The following SLC31A1 variants were observed in gnomAD, a reference collection of about 807,000 sequenced individuals.
SLC31A1 encodes solute carrier family 31 member 1.
In SLC31A1, 5 loss-of-function variants were observed where a neutral mutation model predicts 17.2. The observed-to-expected ratio is 0.29, with a 90% CI of 0.15 to 0.61. The LOEUF is 0.61. SLC31A1 is among the 20% of genes least tolerant of loss of function. The pLI, the probability that SLC31A1 is intolerant of heterozygous loss-of-function variation, is 0.86. For missense variants in SLC31A1, 161 were observed against 241.4 expected (o/e 0.67, Z 2.21); for synonymous variants, 76 against 78.8 (o/e 0.96, Z 0.19).
rs1394294666 is a variant in SLC31A1, at chr9:113,258,737, C to G, written c.246C>G (p.Phe82Leu). ...AFVAVFLLAM[F>L]YEGLKIARES... ...TGGCAGTGTTTTTACTAGCAATGTT[C>G]TATGAAGGACTCAAGATAGCCCGAG... is the stretch of plus-strand genomic sequence containing the variant. The change falls in exon 4 of 5, where the codon TTC (phenylalanine) becomes TTG (leucine). Residue 82 changes from phenylalanine to leucine, a missense_variant. Physicochemically the swap from Phe to Leu is conservative, Grantham distance 22. Coordinates refer to ENST00000374212, the MANE Select transcript of SLC31A1 (RefSeq NM_001859.4). This position sits in a 1 kb window ranked among gnomAD's most constrained non-coding sequence, Gnocchi z 4.8. The G allele has an allele frequency of 6.2e-6, 10 of 1,614,136 alleles. No individual in the cohort carries two copies. Among genetic ancestry groups the G allele is most frequent in the Non-Finnish European group, 8.5e-6 (10 of 1,180,024 alleles).
intron 1 of SLC31A1, among the ~76,000 whole-genome samples, chr9:113,228,870 G>C (rs1003652322): frequency 6.6e-6 from 1 of 152,030 alleles, no homozygotes; most frequent in Non-Finnish European, 1.5e-5. Flanking sequence ...TTTTGAGTTG[G>C]AGTTTCGCTC....
chr9:113,246,095 C>T (rs1455688245), intron 1 of SLC31A1, among the ~76,000 whole-genome samples: 1 of 151,932 alleles, frequency 6.6e-6, no homozygotes, highest in East Asian at 1.9e-4. Flanking sequence ...CTGTCACCCA[C>T]GCTGGAGTGC....
intron 1 of SLC31A1, among the ~76,000 whole-genome samples, chr9:113,231,516 A>G (rs1831402796): frequency 6.6e-6 from 1 of 151,998 alleles, no homozygotes; most frequent in Non-Finnish European, 1.5e-5. Context: ...GTGAGCTGTA[A>G]TCATGCTACT....
chr9:113,240,243 C>G (rs1831507408), intron 1 of SLC31A1, among the ~76,000 whole-genome samples: 1 of 152,144 alleles, frequency 6.6e-6, no homozygotes, highest in Admixed American at 6.5e-5. Context: ...GAGCCTTCTT[C>G]CTCTTGAGTA....
intron 1 of SLC31A1, among the ~76,000 whole-genome samples, chr9:113,231,305 T>C (rs1419170997): frequency 2.0e-5 from 3 of 152,204 alleles, no homozygotes; most frequent in Admixed American, 6.5e-5. Context: ...GGCTTACACC[T>C]GTAATCCGAG....
At chr9:113,227,396 G>A (rs1253690150) in intron 1 of SLC31A1, 1 of 152,060 alleles carries the variant, frequency 6.6e-6, no homozygotes, top group African/African-American at 2.4e-5. Context: ...GGGACTACAG[G>A]CATGCACCAC....
intron 3 of SLC31A1, 149 bp downstream of exon 3, chr9:113,257,334 G>A (rs1831739274): frequency 1.3e-6 from 1 of 740,904 alleles, no homozygotes; most frequent in Non-Finnish European, 2.4e-6. Context: ...TTCCTACCTA[G>A]AAGGTAGGAA....
intron 1 of SLC31A1, among the ~76,000 whole-genome samples, chr9:113,253,797 A>G (rs919578507): frequency 2.6e-5 from 4 of 152,070 alleles, no homozygotes; most frequent in Admixed American, 2.6e-4. Flanking sequence ...CTGGCATGAA[A>G]GTGGATCTTT....
At chr9:113,241,177 C>G (rs944233555) in intron 1 of SLC31A1, among the ~76,000 whole-genome samples, 1 of 151,934 alleles carries the variant, frequency 6.6e-6, no homozygotes, top group African/African-American at 2.4e-5. Flanking sequence ...TTAAATGCCA[C>G]ATAGTGAGCT....
intron 2 of SLC31A1, 156 bp downstream of exon 2, chr9:113,256,433 G>T: frequency 1.3e-6 from 1 of 750,880 alleles, no homozygotes; most frequent in Non-Finnish European, 2.1e-6. Flanking sequence ...ATTTGCTCCA[G>T]ATTATGTGGC....
chr9:113,227,261 A>G (rs571510038), intron 1 of SLC31A1: 6 of 151,670 alleles, frequency 4.0e-5, no homozygotes, highest in African/African-American at 1.2e-4. Flanking sequence ...TTTTTCTTTT[A>G]TTTTTTCTTG....
rs2119016441 is a variant in SLC31A1, at chr9:113,257,204, A to G, written c.202+19A>G. ...GCTGGAGGTGAGTAAGCCATTAGGT[A>G]GTGTTGGAAGGTGATAGTCACATGA... is the stretch of plus-strand genomic sequence containing the variant. On this transcript the variant is annotated intron_variant, in intron 3 of 4. Transcript: ENST00000374212. 6.2e-7 allele frequency: 1 copy of G among 1,602,284 alleles called. No homozygotes were observed. Among genetic ancestry groups the G allele is most frequent in the Non-Finnish European group, 8.6e-7 (1 of 1,169,472 alleles).
intron 1 of SLC31A1, among the ~76,000 whole-genome samples, chr9:113,232,844 CA>C (rs911563424): frequency 9.8e-5 from 14 of 142,686 alleles, no homozygotes; most frequent in Admixed American, 2.1e-4. Flanking sequence ...AACTCTGTCT[CA>C]AAAAAAAAAG....
chr9:113,254,963 A>T (rs777942581), intron 1 of SLC31A1, among the ~76,000 whole-genome samples: 2 of 152,194 alleles, frequency 1.3e-5, no homozygotes, highest in Non-Finnish European at 2.9e-5. Context: ...TTTTGCAGCA[A>T]TACAGTGATG....
intron 1 of SLC31A1, among the ~76,000 whole-genome samples, chr9:113,240,264 G>T (rs919097859): frequency 3.9e-5 from 6 of 152,046 alleles, no homozygotes; most frequent in Non-Finnish European, 8.8e-5. Flanking sequence ...GCCCCACAAA[G>T]GCAAGTACCT....
intron 1 of SLC31A1, among the ~76,000 whole-genome samples, chr9:113,233,871 A>G (rs1831425947): frequency 1.3e-5 from 2 of 152,222 alleles, no homozygotes; most frequent in Non-Finnish European, 2.9e-5. Flanking sequence ...AAATCAGGGT[A>G]TTTAGGATAT....
chr9:113,256,825 C>T (rs539624421), intron 2 of SLC31A1, among the ~76,000 whole-genome samples: 1 of 147,104 alleles, frequency 6.8e-6, no homozygotes, highest in East Asian at 2.0e-4. Flanking sequence ...CTCGCCACTG[C>T]ATTCCAGCCT....
At chr9:113,235,226 GA>G (rs1284867525) in intron 1 of SLC31A1, among the ~76,000 whole-genome samples, 1 of 152,072 alleles carries the variant, frequency 6.6e-6, no homozygotes, top group African/African-American at 2.4e-5. Context: ...ATACATGTAT[GA>G]AAAAGTTTCC....
intron 1 of SLC31A1, among the ~76,000 whole-genome samples, chr9:113,222,884 G>A (rs1180288794): frequency 3.3e-5 from 5 of 152,140 alleles, no homozygotes; most frequent in Admixed American, 3.3e-4. Context: ...CCCCAACACC[G>A]GTCACTGTGA....
Sources: gnomAD v4.1 joint callset for allele counts (sites outside exome capture counted in the v4.1 genomes callset) on GRCh38, gnomAD v4.1.1 for gene constraint, Gnocchi (gnomAD v3.1) non-coding constraint, MANE v1.5 for transcripts, NCBI Gene and HGNC (gene_info 2026-07-23, HGNC 2026-07-21) for gene names.